The following GLB1 variants were observed in gnomAD, a reference collection of about 807,000 sequenced individuals.
The protein encoded by GLB1 is galactosidase beta 1, also known as beta-galactosidase.
In GLB1, 56 loss-of-function variants were observed where a neutral mutation model predicts 74.0. That is an observed-to-expected ratio of 0.76 (90% confidence interval 0.61 to 0.94). The LOEUF (loss-of-function observed/expected upper bound fraction) is 0.94, where lower values mean the gene tolerates loss of function less well. Ranked by LOEUF, GLB1 falls within the 40% of genes least tolerant of loss-of-function variation. The pLI, the probability that GLB1 is intolerant of heterozygous loss-of-function variation, is 0.00. For missense variants in GLB1, 787 were observed against 845.5 expected (o/e 0.93, Z 0.86); for synonymous variants, 323 against 323.6 (o/e 1.00, Z 0.02).
At chr3:33,092,509 C>T (rs911791613) in intron 1 of GLB1, 17 of 1,096,728 alleles carry the variant, frequency 1.6e-5, no homozygotes, top group South Asian at 3.9e-5. Context: ...CTAGCAACCC[C>T]GAGGGGAGGT....
Position 33,051,820 on chromosome 3 carries a change from C to T in GLB1, c.915-22G>A, listed in dbSNP as rs192576164. 2.0e-5 allele frequency: 33 copies of T among 1,614,102 alleles called. No individual in the cohort carries two copies. In the Admixed American group the frequency reaches 3.0e-4, roughly 15 times the overall value. On this transcript the variant is annotated intron_variant, in intron 8 of 15. Coordinates refer to ENST00000307363, the MANE Select transcript of GLB1 (RefSeq NM_000404.4). ...GTACCTACAAGGAAACAAAAGAACA[C>T]GGTACTTCACTGTGAGCCCATGGCT... is the stretch of plus-strand genomic sequence containing the variant.
Position 33,012,977 on chromosome 3 carries a change from G to A in GLB1, c.1734+1079C>T, listed in dbSNP as rs577713107. Among the ~76,000 whole-genome samples the A allele has an allele frequency of 3.3e-5, 5 of 152,216 alleles. No homozygotes were observed. The South Asian group carries it at 1.0e-3, about 32-fold the overall frequency. On this transcript the variant is annotated intron_variant, in intron 15 of 15. Transcript: ENST00000307363. ...TTACCCAAACCATTCTGCACAATGG[G>A]GTCAGAGGAGCTTGTCAGATCACAG...
intron 1 of GLB1, among the ~76,000 whole-genome samples, chr3:33,084,469 G>A (rs2125571853): frequency 6.6e-6 from 1 of 152,352 alleles, no homozygotes; most frequent in South Asian, 2.1e-4. Flanking sequence ...GGAGATGGAA[G>A]AATCTGTGGA....
chr3:32,961,704 A>G, the GLB1 span, among the ~76,000 whole-genome samples: 1 of 152,234 alleles, frequency 6.6e-6, no homozygotes, highest in African/African-American at 2.4e-5. Flanking sequence ...TGTAATCTGG[A>G]GAGGAATACT....
intron 1 of GLB1, among the ~76,000 whole-genome samples, chr3:33,081,366 A>G (rs917649373): frequency 7.2e-5 from 11 of 152,148 alleles, no homozygotes; most frequent in African/African-American, 2.7e-4. Flanking sequence ...CCCAGTCCCT[A>G]TGCTGTTGGG....
intron 6 of GLB1, among the ~76,000 whole-genome samples, chr3:33,057,568 C>A (rs564110508): frequency 5.3e-5 from 8 of 152,304 alleles, no homozygotes; most frequent in African/African-American, 1.7e-4. Context: ...ATCTGCCAAA[C>A]CACCTCCAGC....
chr3:33,011,550 C>T (rs985272005), intron 15 of GLB1, among the ~76,000 whole-genome samples: 7 of 146,294 alleles, frequency 4.8e-5, no homozygotes, highest in African/African-American at 1.8e-4. Context: ...GAGGCTGAGG[C>T]AGGAGAATTG....
intron 10 of GLB1, among the ~76,000 whole-genome samples, chr3:33,026,224 G>C (rs1048202956): frequency 6.6e-6 from 1 of 152,186 alleles, no homozygotes; most frequent in African/African-American, 2.4e-5. Context: ...CCGCTGCCTA[G>C]CCTCTCTCTT....
downstream of GLB1, among the ~76,000 whole-genome samples, chr3:32,996,352 C>T (rs928136178): frequency 6.6e-6 from 1 of 152,184 alleles, no homozygotes; most frequent in African/African-American, 2.4e-5. Context: ...TGTTGAAACA[C>T]ACAAAACGGG....
chr3:32,976,688 T>C, the GLB1 span, among the ~76,000 whole-genome samples: 1 of 152,292 alleles, frequency 6.6e-6, no homozygotes, highest in East Asian at 1.9e-4. Flanking sequence ...GGAAGCTTCA[T>C]GCTTCTTAGG....
the GLB1 span, among the ~76,000 whole-genome samples, chr3:32,964,238 T>C: frequency 2.6e-5 from 4 of 152,356 alleles, no homozygotes; most frequent in South Asian, 8.3e-4. Context: ...GGGAGCTTCC[T>C]CCTAATTGTT....
intron 15 of GLB1, among the ~76,000 whole-genome samples, chr3:33,006,868 T>C (rs1238586023): frequency 6.6e-6 from 1 of 152,136 alleles, no homozygotes; most frequent in Non-Finnish European, 1.5e-5. Context: ...ATGAAGGATG[T>C]GGGGGTTAGT....
intron 10 of GLB1, among the ~76,000 whole-genome samples, chr3:33,027,497 C>A (rs1697822768): frequency 6.6e-6 from 1 of 152,234 alleles, no homozygotes; most frequent in African/African-American, 2.4e-5. Flanking sequence ...AGGTTTCCAG[C>A]CAGAAAAGTG....
chr3:33,092,327 G>A lies in GLB1; in HGVS notation c.75+4684C>T, dbSNP rs547830265. 3.1e-5 allele frequency: 31 copies of A among 987,466 alleles called. No homozygotes were observed. The African/African-American group carries it at 4.4e-4, about 14-fold the overall frequency. 61.2% of individuals were successfully genotyped at this position (987,466 alleles called of 1,614,324 possible). A position where few individuals can be genotyped will look rare whatever the true frequency, so the allele number is the denominator to read the frequency against. On this transcript the variant is annotated intron_variant, in intron 1 of 15. Coordinates refer to ENST00000307363, the MANE Select transcript of GLB1 (RefSeq NM_000404.4). ...AAAATATTCTTCTCTAGCAGCCAGA[G>A]GGCCCTTCCATCTTGCCTGTTCTCC... is the stretch of plus-strand genomic sequence containing the variant.
Position 33,094,437 on chromosome 3 carries a change from A to G in GLB1, c.75+2574T>C. 4.6e-6 allele frequency: 5 copies of G among 1,085,078 alleles called. No individual in the cohort carries two copies. The South Asian group carries it at 1.4e-4, about 30-fold the overall frequency. The allele number at this position is 1,085,078 out of a possible 1,614,324, so 67.2% of individuals were successfully genotyped here. A position where few individuals can be genotyped will look rare whatever the true frequency, so the allele number is the denominator to read the frequency against. ...CTCAAATACCAGTCAGTTGCTAGCT[A>G]TACTTTATTATTCAAAAAGAAACTC... On this transcript the variant is annotated intron_variant, in intron 1 of 15. Coordinates refer to ENST00000307363, the MANE Select transcript of GLB1 (RefSeq NM_000404.4).
At chr3:33,088,938 T>C (rs1049717097) in intron 1 of GLB1, among the ~76,000 whole-genome samples, 5 of 152,052 alleles carry the variant, frequency 3.3e-5, no homozygotes, top group African/African-American at 4.8e-5. Context: ...AAGACAGACA[T>C]AGAGCAATGA....
rs1233334461 is a variant in GLB1, at chr3:33,072,615, G to C, written c.174C>G (p.Ser58=). The change falls in exon 2 of 16, where the codon TCC becomes TCG. Residue 58 remains serine (S), a synonymous_variant. Transcript: ENST00000307363. ...FRYISGSIHY[S]RVPRFYWKDR... is the part of the protein sequence containing the mutation. ...CCTTCCAGTAGAAGCGGGGCACACG[G>C]GAGTAGTGAATGCTTCCTGAGATGT... 2 of 1,613,984 alleles carry C rather than the reference G, an allele frequency of 1.2e-6. No individual in the cohort carries two copies. Among genetic ancestry groups the C allele is most frequent in the African/African-American group, 2.7e-5 (2 of 74,916 alleles).
At chr3:33,036,575 T>C (rs1698285931) in intron 10 of GLB1, among the ~76,000 whole-genome samples, 1 of 152,192 alleles carries the variant, frequency 6.6e-6, no homozygotes, top group African/African-American at 2.4e-5. Context: ...TGTACTCTGA[T>C]GTTCAATGCA....
chr3:33,091,265 G>T (rs188214950), intron 1 of GLB1: 18 of 985,416 alleles, frequency 1.8e-5, no homozygotes, highest in Middle Eastern at 5.2e-4. Flanking sequence ...TGTCAATACC[G>T]TGGCTGCCTG....
Sources: allele counts gnomAD v4.1 joint callset (sites outside exome capture counted in the v4.1 genomes callset), GRCh38; gene constraint gnomAD v4.1.1; transcripts MANE v1.5; gene names NCBI Gene and HGNC (gene_info 2026-07-23, HGNC 2026-07-21).